ITGB5: variants seen among roughly 807,000 people sequenced by gnomAD.
The protein encoded by ITGB5 is integrin beta-5.
Under a neutral mutation model 84.8 loss-of-function variants are expected in ITGB5, and 38 were observed. The observed-to-expected ratio is 0.45, with a 90% CI of 0.35 to 0.59. The LOEUF is 0.59. Among genes scored for constraint, ITGB5 ranks in the 20% least tolerant of loss-of-function variants. ITGB5 has a pLI of 0.01. For synonymous variants in ITGB5, 393 were observed against 414.4 expected, an observed-to-expected ratio of 0.95 and a Z score of 0.63; for missense variants, 905 against 1,034.5, an observed-to-expected ratio of 0.87 and a Z score of 1.72.
At chr3:124,789,307 G>A (rs941052504) in intron 10 of ITGB5, among the ~76,000 whole-genome samples, 2 of 152,274 alleles carry the variant, frequency 1.3e-5, no homozygotes, top group African/African-American at 4.8e-5. Flanking sequence ...AAGAAGCCTA[G>A]GATGTGGCCT....
intron 5 of ITGB5, among the ~76,000 whole-genome samples, chr3:124,838,920 A>T (rs2064975686): frequency 6.6e-6 from 1 of 152,162 alleles, no homozygotes; most frequent in Non-Finnish European, 1.5e-5. Flanking sequence ...TAAATATTTT[A>T]AGTAGTATGA....
In ITGB5 at chr3:124,769,093, A is replaced by G; in HGVS notation, c.1937T>C (p.Leu646Pro). ...GTTGTCAGGTTTCCCAGAGTGGAGC[A>G]GCAGGCACTCGACGCAATCTCTTTG... ...STKRDCVECL[L>P]LHSGKPDNQT... The change falls in exon 12 of 15, where the codon CTG becomes CCG. Residue 646 changes from leucine to proline, a missense_variant. By Grantham distance (98) the Leu-to-Pro change is moderately conservative (BLOSUM62 -3). This residue lies in a region of ITGB5 where 116 missense variants were observed against 177.0 expected (regional missense o/e 0.66). Transcript: ENST00000296181. 1 of 1,614,096 alleles carries G rather than the reference A, an allele frequency of 6.2e-7. No homozygotes were observed. Among genetic ancestry groups the G allele is most frequent in the Non-Finnish European group, 8.5e-7 (1 of 1,180,024 alleles).
At position 124,894,134 on chromosome 3, in the gene ITGB5, C is replaced by CTTTTTTTTTTTTTTTTTTT. The variant is rs748784158; in HGVS notation, c.-255+7131_-255+7132insAAAAAAAAAAAAAAAAAAA. ...TTATAGTAAAAGTTGTGATATTTTT[C>CTTTTTTTTTTTTTTTTTTT]TTTTTTTTTTTTTTTTTTGAGACAG... On this transcript the variant is annotated intron_variant, in intron 1 of 4. Transcript: ENST00000608657. Among the ~76,000 whole-genome samples, 4 of 104,354 alleles carry CTTTTTTTTTTTTTTTTTTT rather than the reference C, an allele frequency of 3.8e-5. 1 individual carries two copies. The highest frequency in any genetic ancestry group is 5.4e-5 in the Non-Finnish European group (3 of 55,048). The allele number at this position is 104,354 out of a possible 152,430, so 68.5% of individuals were successfully genotyped here.
chr3:124,865,496 T>TTTTTTTTTTTTG, intron 2 of ITGB5, among the ~76,000 whole-genome samples: 1 of 140,160 alleles, frequency 7.1e-6, no homozygotes, highest in East Asian at 2.1e-4. Flanking sequence ...TTTTTTTTTT[T>TTTTTTTTTTTTG]TTTTTTGAGA....
At chr3:124,795,482 C>T (rs531636611) in intron 10 of ITGB5, among the ~76,000 whole-genome samples, 151 of 151,428 alleles carry the variant, frequency 1.0e-3, no homozygotes, top group Admixed American at 3.1e-3. Context: ...GAGTGAGACT[C>T]CATCTCAGAA....
chr3:124,817,992 C>T (rs1450354809), intron 7 of ITGB5, among the ~76,000 whole-genome samples: 1 of 152,162 alleles, frequency 6.6e-6, no homozygotes, highest in African/African-American at 2.4e-5. Context: ...CCCCGCCCCT[C>T]CCACGGTAAC....
chr3:124,813,022 G>C (rs929168078), intron 8 of ITGB5, among the ~76,000 whole-genome samples: 1 of 152,134 alleles, frequency 6.6e-6, no homozygotes, highest in Non-Finnish European at 1.5e-5. Context: ...AAACACAAGC[G>C]GTCTGGAGAG....
intron 10 of ITGB5, among the ~76,000 whole-genome samples, chr3:124,785,501 C>T (rs1579195080): frequency 6.6e-6 from 1 of 150,490 alleles, no homozygotes; most frequent in African/African-American, 2.5e-5. Context: ...AGGAGAATTG[C>T]GTGAACCCGG....
chr3:124,870,058 T>A (rs918431363), intron 2 of ITGB5, among the ~76,000 whole-genome samples: 1 of 152,176 alleles, frequency 6.6e-6, no homozygotes, highest in African/African-American at 2.4e-5. Flanking sequence ...ATCACCTTCA[T>A]TTTACATATC....
chr3:124,807,997 TTGTGAAGTGGGTGAGGGACAAG>T (rs1163495842), intron 9 of ITGB5, among the ~76,000 whole-genome samples: 3 of 132,624 alleles, frequency 2.3e-5, no homozygotes, highest in African/African-American at 8.8e-5. Context: ...TGTCTGTGTG[TTGTGAAGTGGGTGAGGGACAAG>T]TGTGAAGGCA....
At chr3:124,843,479 C>T (rs959270307) in intron 4 of ITGB5, among the ~76,000 whole-genome samples, 3 of 152,214 alleles carry the variant, frequency 2.0e-5, no homozygotes, top group Non-Finnish European at 4.4e-5. Flanking sequence ...TACCTCCTCC[C>T]TTTCACTCCC....
In ITGB5 at chr3:124,871,901, C is replaced by T. The variant is rs184848832; in HGVS notation, c.156+1545G>A. 8.6e-4 allele frequency among the ~76,000 whole-genome samples: 129 copies of T among 150,556 alleles called. 1 individual carries two copies. The highest frequency in any genetic ancestry group is 3.1e-3 in the African/African-American group (126 of 41,088). On this transcript the variant is annotated intron_variant, in intron 2 of 14. Transcript: ENST00000296181. ...AAGAAGGAAAGGAGGAAGAAAAAGCCAGGAAGGCTCTCCAGGGAGGGGAGA... is the reference window on the plus strand; with the variant it reads ...AAGAAGGAAAGGAGGAAGAAAAAGCTAGGAAGGCTCTCCAGGGAGGGGAGA...
At chr3:124,827,356 G>A (rs574074135) in intron 5 of ITGB5, among the ~76,000 whole-genome samples, 1 of 151,910 alleles carries the variant, frequency 6.6e-6, no homozygotes, top group African/African-American at 2.4e-5. Context: ...CACACAAAAG[G>A]GACTATAAAG....
At chr3:124,863,359 T>C (rs926729345) in intron 2 of ITGB5, 1 of 152,194 alleles carries the variant, frequency 6.6e-6, no homozygotes, top group Non-Finnish European at 1.5e-5. Context: ...TTTCTTTTGA[T>C]TTATTTTTGA....
chr3:124,876,478 T>A (rs976412246), intron 1 of ITGB5, among the ~76,000 whole-genome samples: 2 of 152,080 alleles, frequency 1.3e-5, no homozygotes, highest in Non-Finnish European at 2.9e-5. Context: ...ACGGCAAAAC[T>A]GCTGACTGGC....
At chr3:124,803,287 C>T (rs186504676) in intron 9 of ITGB5, among the ~76,000 whole-genome samples, 22 of 152,286 alleles carry the variant, frequency 1.4e-4, no homozygotes, top group Admixed American at 1.4e-3. Flanking sequence ...GTGGGAAACG[C>T]ATGCACTGTG....
At chr3:124,821,073 G>T (rs1008789523) in intron 6 of ITGB5, among the ~76,000 whole-genome samples, 2 of 152,122 alleles carry the variant, frequency 1.3e-5, no homozygotes, top group Admixed American at 1.3e-4. Context: ...CCATTTAGAC[G>T]CACATTGACA....
chr3:124,867,908 T>C (rs2065416535), intron 2 of ITGB5, among the ~76,000 whole-genome samples: 1 of 152,244 alleles, frequency 6.6e-6, no homozygotes, highest in Admixed American at 6.5e-5. Context: ...AATCTCATGT[T>C]GAATTGTAAT....
rs894448544 is a variant in ITGB5, at chr3:124,881,127, G to T, written c.70+5804C>A. ...GCCTCCTGAGTAGCTGGGATTACAG[G>T]TGCACACCACCATGCCTGGCTAATT... On this transcript the variant is annotated intron_variant, in intron 1 of 14. Transcript: ENST00000296181. Among the ~76,000 whole-genome samples, 50 of 151,562 alleles carry T rather than the reference G, an allele frequency of 3.3e-4. 1 individual carries two copies. The highest frequency in any genetic ancestry group is 2.6e-4 in the Admixed American group (4 of 15,210).
Sources: allele counts gnomAD v4.1 joint callset (sites outside exome capture counted in the v4.1 genomes callset), GRCh38; gene constraint gnomAD v4.1.1; regional missense constraint gnomAD v4.1.1; transcripts MANE v1.5; gene names NCBI Gene and HGNC (gene_info 2026-07-23, HGNC 2026-07-21).